Variants in GALNT13 observed in about 807,000 individuals in gnomAD.
The protein encoded by GALNT13 is polypeptide N-acetylgalactosaminyltransferase 13, also known as UDP-GalNAc:polypeptide N-acetylgalactosaminyltransferase 13.
In GALNT13, 28 loss-of-function variants were observed where a neutral mutation model predicts 64.2. The observed-to-expected ratio is 0.44, with a 90% CI of 0.32 to 0.60. GALNT13 has a LOEUF of 0.60. Among genes scored for constraint, GALNT13 ranks in the 20% least tolerant of loss-of-function variants. The probability of loss-of-function intolerance (pLI) is 0.05; values close to 1 mark genes in which losing one functional copy is unlikely to be tolerated. For synonymous variants in GALNT13, 214 were observed against 224.6 expected, an observed-to-expected ratio of 0.95 and a Z score of 0.42; for missense variants, 577 against 669.8, an observed-to-expected ratio of 0.86 and a Z score of 1.53.
chr2:154,136,865 A>T (rs935074790), intron 3 of GALNT13, among the ~76,000 whole-genome samples: 8 of 152,156 alleles, frequency 5.3e-5, no homozygotes, highest in African/African-American at 1.9e-4. Context: ...CAAATCAACA[A>T]TAAAAAAACC....
At chr2:153,561,821 T>C in the GALNT13 span, among the ~76,000 whole-genome samples, 1 of 152,132 alleles carries the variant, frequency 6.6e-6, no homozygotes, top group Non-Finnish European at 1.5e-5. Context: ...TGAATTGGAG[T>C]AATACAAATT....
chr2:153,636,217 A>G, the GALNT13 span, among the ~76,000 whole-genome samples: 1 of 152,116 alleles, frequency 6.6e-6, no homozygotes, highest in Admixed American at 6.6e-5. Context: ...GAAGGGGAAA[A>G]TAGTTTAAAC....
At chr2:153,841,695 A>G in the GALNT13 span, among the ~76,000 whole-genome samples, 1 of 152,128 alleles carries the variant, frequency 6.6e-6, no homozygotes, top group Admixed American at 6.6e-5. Context: ...ATTATACAAA[A>G]TGTGCCTATG....
chr2:154,149,498 A>G (rs1683842649), intron 4 of GALNT13, among the ~76,000 whole-genome samples: 1 of 152,092 alleles, frequency 6.6e-6, no homozygotes, highest in Admixed American at 6.5e-5. Flanking sequence ...ATGGCATTGA[A>G]TCTATAAATT....
the GALNT13 span, among the ~76,000 whole-genome samples, chr2:153,555,605 A>G: frequency 2.6e-5 from 4 of 152,316 alleles, no homozygotes; most frequent in African/African-American, 9.6e-5. Flanking sequence ...TCTCACTACT[A>G]TCTTGTGAGG....
At position 154,450,580 on chromosome 2, in the gene GALNT13, T is replaced by C. The variant is rs771747258; in HGVS notation, c.*29T>C. 1 of 1,516,306 alleles carries C rather than the reference T, an allele frequency of 6.6e-7. No individual in the cohort carries two copies. The highest frequency in any genetic ancestry group is 8.8e-7 in the Non-Finnish European group (1 of 1,133,142). 93.9% of individuals were successfully genotyped at this position (1,516,306 alleles called of 1,614,324 possible). Reference sequence around the variant, plus strand: ...TCATGTCCTCCAAGCCATGAAAGTGTCTACGCTTTTGTTTTTCCATTATTT... The same window carrying C: ...TCATGTCCTCCAAGCCATGAAAGTGCCTACGCTTTTGTTTTTCCATTATTT... On this transcript the variant is annotated 3_prime_UTR_variant, in exon 13 of 13. Transcript: ENST00000392825.
At chr2:153,436,232 G>A in the GALNT13 span, among the ~76,000 whole-genome samples, 1 of 152,294 alleles carries the variant, frequency 6.6e-6, no homozygotes, top group Non-Finnish European at 1.5e-5. Flanking sequence ...CGTTTTGCCA[G>A]TATTTTATTG....
the GALNT13 span, among the ~76,000 whole-genome samples, chr2:153,490,416 T>C: frequency 2.0e-5 from 3 of 152,188 alleles, no homozygotes; most frequent in Admixed American, 2.0e-4. Flanking sequence ...AGTCTTGCTC[T>C]GTCACCCAGG....
intron 9 of GALNT13, among the ~76,000 whole-genome samples, chr2:154,310,978 A>T (rs77283255): frequency 1.6e-4 from 24 of 151,478 alleles, no homozygotes; most frequent in African/African-American, 2.4e-4. Context: ...ATATATATTC[A>T]TAGAATATTC....
intron 9 of GALNT13, among the ~76,000 whole-genome samples, chr2:154,311,213 A>G (rs1221688777): frequency 6.6e-6 from 1 of 152,092 alleles, no homozygotes; most frequent in Non-Finnish European, 1.5e-5. Flanking sequence ...ATATGTACAT[A>G]TTTATTTATA....
chr2:154,030,167 A>G (rs1698248512), intron 3 of GALNT13, among the ~76,000 whole-genome samples: 1 of 152,012 alleles, frequency 6.6e-6, no homozygotes, highest in African/African-American at 2.4e-5. Context: ...ATGAGAAAAA[A>G]ATCAATGAGA....
intron 4 of GALNT13, among the ~76,000 whole-genome samples, chr2:154,204,925 T>C (rs1687358560): frequency 6.6e-6 from 1 of 152,236 alleles, no homozygotes; most frequent in Non-Finnish European, 1.5e-5. Flanking sequence ...CAGCATATGG[T>C]AATTATTTAT....
the GALNT13 span, among the ~76,000 whole-genome samples, chr2:153,540,235 G>T: frequency 6.6e-6 from 1 of 152,352 alleles, no homozygotes; most frequent in Admixed American, 6.5e-5. Flanking sequence ...GTACAGCTCA[G>T]TCCATGGCTT....
intron 7 of GALNT13, among the ~76,000 whole-genome samples, chr2:154,246,726 T>G (rs1369157916): frequency 1.3e-5 from 2 of 152,072 alleles, no homozygotes. Context: ...AAATCATCCT[T>G]CCTTTGGAAC....
chr2:153,662,739 G>A, the GALNT13 span, among the ~76,000 whole-genome samples: 2 of 152,044 alleles, frequency 1.3e-5, no homozygotes, highest in African/African-American at 4.8e-5. Flanking sequence ...TTTTTCTTCA[G>A]TGAGCTGTGG....
intron 4 of GALNT13, among the ~76,000 whole-genome samples, chr2:154,152,164 G>A (rs1573757853): frequency 6.6e-6 from 1 of 152,266 alleles, no homozygotes; most frequent in South Asian, 2.1e-4. Flanking sequence ...TGTCTGTAAA[G>A]TATTTTATTT....
the GALNT13 span, among the ~76,000 whole-genome samples, chr2:153,741,639 A>G: frequency 1.4e-4 from 21 of 152,192 alleles, no homozygotes; most frequent in Middle Eastern, 3.4e-3. Flanking sequence ...CCTGATTTCA[A>G]TGTTGCTACT....
chr2:153,833,702 G>A, the GALNT13 span, among the ~76,000 whole-genome samples: 5 of 152,078 alleles, frequency 3.3e-5, no homozygotes, highest in Non-Finnish European at 5.9e-5. Context: ...TCATAGACAA[G>A]GGAAGACTAC....
At chr2:153,323,681 G>T in the GALNT13 span, among the ~76,000 whole-genome samples, 1 of 152,126 alleles carries the variant, frequency 6.6e-6, no homozygotes, top group Non-Finnish European at 1.5e-5. Context: ...TGTAAGGAAG[G>T]GGTCCAGTTT....
Sources: allele counts gnomAD v4.1 joint callset (sites outside exome capture counted in the v4.1 genomes callset), GRCh38; gene constraint gnomAD v4.1.1; transcripts MANE v1.5; gene names NCBI Gene and HGNC (gene_info 2026-07-23, HGNC 2026-07-21).